The following CLMP variants were observed in gnomAD, a reference collection of about 807,000 sequenced individuals.
CLMP encodes CXADR like cell adhesion molecule.
In CLMP, 27 loss-of-function variants were observed where a neutral mutation model predicts 45.2. The observed-to-expected ratio is 0.60, with a 90% confidence interval of 0.44 to 0.82. The LOEUF (loss-of-function observed/expected upper bound fraction) is 0.82. CLMP is among the 40% of genes least tolerant of loss of function. The probability of loss-of-function intolerance (pLI) is 0.00; values close to 1 mark genes in which losing one functional copy is unlikely to be tolerated. For missense variants in CLMP, 403 were observed against 448.4 expected, an observed-to-expected ratio of 0.90 and a Z score of 0.91; for synonymous variants, 167 against 171.4, an observed-to-expected ratio of 0.97 and a Z score of 0.20.
chr11:123,149,572 G>C (rs971064521), intron 1 of CLMP, among the ~76,000 whole-genome samples: 4 of 152,200 alleles, frequency 2.6e-5, no homozygotes, highest in Admixed American at 1.3e-4. Context: ...GCTTAACTTT[G>C]ACCAATTTAG....
At chr11:123,150,531 A>AAGGAAGGAAGGAAGGAAG (rs1861316880) in intron 1 of CLMP, among the ~76,000 whole-genome samples, 1 of 85,294 alleles carries the variant, frequency 1.2e-5, no homozygotes, top group African/African-American at 4.9e-5. Context: ...AAGGAAGGAA[A>AAGGAAGGAAGGAAGGAAG]GAAACAAGCA....
chr11:123,108,089 T>C (rs770003727), intron 1 of CLMP, among the ~76,000 whole-genome samples: 6 of 152,100 alleles, frequency 3.9e-5, no homozygotes, highest in Non-Finnish European at 8.8e-5. Context: ...TGGAAGCTAA[T>C]GGCACCACCT....
intron 1 of CLMP, among the ~76,000 whole-genome samples, chr11:123,118,072 TAC>T (rs35966610): frequency 0.21 from 31,278 of 152,116 alleles, 3,316 homozygotes; most frequent in Admixed American, 0.28. Context: ...TCATTTAATA[TAC>T]ACTTTTTAAG....
chr11:123,079,910 C>T (rs1037621099), intron 5 of CLMP, among the ~76,000 whole-genome samples: 11 of 152,160 alleles, frequency 7.2e-5, no homozygotes, highest in South Asian at 6.2e-4. Flanking sequence ...AATTAGTCTG[C>T]GACTTCGTAG....
chr11:123,070,919 C>T lies in CLMP; in HGVS notation c.*2555G>A, dbSNP rs535452211. On this transcript the variant is annotated 3_prime_UTR_variant, in exon 7 of 7. Coordinates refer to ENST00000448775, the MANE Select transcript of CLMP (RefSeq NM_024769.5). ...GAAAATACTCAGGCTAAAACTTTCACCCAAGCATAAACTCCTGGGGACTTT... is the reference window on the plus strand; with the variant it reads ...GAAAATACTCAGGCTAAAACTTTCATCCAAGCATAAACTCCTGGGGACTTT... 5.9e-5 allele frequency: 9 copies of T among 152,278 alleles called. No individual in the cohort carries two copies. In the South Asian group the frequency reaches 1.2e-3, roughly 21 times the overall value. The allele number at this position is 152,278 out of a possible 1,614,324, so 9.4% of individuals were successfully genotyped here. A position where few individuals can be genotyped will look rare whatever the true frequency, so the allele number is the denominator to read the frequency against.
At chr11:123,161,140 A>G (rs1274864050) in intron 1 of CLMP, among the ~76,000 whole-genome samples, 1 of 152,212 alleles carries the variant, frequency 6.6e-6, no homozygotes, top group African/African-American at 2.4e-5. Context: ...CCAGGTGCCT[A>G]CTACGTGCCC....
intron 1 of CLMP, among the ~76,000 whole-genome samples, chr11:123,142,817 G>A (rs1425243724): frequency 3.4e-5 from 5 of 149,112 alleles, no homozygotes; most frequent in East Asian, 2.0e-4. Flanking sequence ...TAGTAGAGAC[G>A]GGGTTTCACC....
intron 1 of CLMP, among the ~76,000 whole-genome samples, chr11:123,108,041 C>T (rs1860584236): frequency 6.6e-6 from 1 of 152,102 alleles, no homozygotes; most frequent in South Asian, 2.1e-4. Flanking sequence ...TTTTACCACA[C>T]AGAGGGAGGG....
intron 1 of CLMP, among the ~76,000 whole-genome samples, chr11:123,139,898 G>A (rs1861130682): frequency 6.6e-6 from 1 of 151,852 alleles, no homozygotes; most frequent in Admixed American, 6.6e-5. Flanking sequence ...TGGTAGAGAA[G>A]TACATAATAG....
In CLMP at chr11:123,125,859, G is replaced by A. The variant is rs138406532; in HGVS notation, c.29-27907C>T. ...GACCTCATGTGATCTGCCCGCCTCC[G>A]CCTCCCAAAGTGCTTGGATTACAGG... On this transcript the variant is annotated intron_variant, in intron 1 of 6. Transcript: ENST00000448775. Among the ~76,000 whole-genome samples the A allele has an allele frequency of 2.8e-3, 427 of 151,972 alleles. 2 individuals carry two copies. The highest frequency in any genetic ancestry group is 1.1e-3 in the Non-Finnish European group (78 of 67,984).
intron 2 of CLMP, among the ~76,000 whole-genome samples, chr11:123,085,159 T>C (rs1326628032): frequency 6.7e-6 from 1 of 149,420 alleles, no homozygotes; most frequent in Admixed American, 6.7e-5. Context: ...CTTGGAACGA[T>C]GTCGGCAAAC....
chr11:123,085,974 T>C (rs1181746434), intron 2 of CLMP, among the ~76,000 whole-genome samples: 1 of 151,320 alleles, frequency 6.6e-6, no homozygotes, highest in Non-Finnish European at 1.5e-5. Flanking sequence ...CTGGGGTTTC[T>C]CCATGTTGGC....
chr11:123,167,037 A>C (rs1309883408), intron 1 of CLMP, among the ~76,000 whole-genome samples: 1 of 152,224 alleles, frequency 6.6e-6, no homozygotes, highest in Non-Finnish European at 1.5e-5. Flanking sequence ...TTAACATGCC[A>C]GGCATGGCAC....
intron 1 of CLMP, among the ~76,000 whole-genome samples, chr11:123,100,071 A>T (rs910647935): frequency 6.6e-6 from 1 of 152,096 alleles, no homozygotes; most frequent in Non-Finnish European, 1.5e-5. Context: ...AAGAAAAAGG[A>T]TTCAAAAGCG....
chr11:123,084,770 A>C (rs1865844987), intron 2 of CLMP, 57 bp from the exon 3 acceptor site: 1 of 1,499,656 alleles, frequency 6.7e-7, no homozygotes, highest in Non-Finnish European at 9.2e-7. Context: ...GCCTTTCCTG[A>C]TGGTGTGAAG....
chr11:123,105,423 C>CT (rs1484082027), intron 1 of CLMP, among the ~76,000 whole-genome samples: 1 of 121,348 alleles, frequency 8.2e-6, no homozygotes, highest in Non-Finnish European at 1.6e-5. Flanking sequence ...CTCTTTCTTT[C>CT]TTCTTTTCTT....
At position 123,161,197 on chromosome 11, in the gene CLMP, C is replaced by T. The variant is rs144454658; in HGVS notation, c.28+33716G>A. ...TTCTGCCCAGTGAGATTTGTAAGAG[C>T]AGTGCTTTAAGACTTGGTTTCTAAT... On this transcript the variant is annotated intron_variant, in intron 1 of 6. Coordinates refer to ENST00000448775, the MANE Select transcript of CLMP (RefSeq NM_024769.5). 7.9e-5 allele frequency among the ~76,000 whole-genome samples: 12 copies of T among 152,292 alleles called. No individual in the cohort carries two copies. The East Asian group carries it at 2.3e-3, about 29-fold the overall frequency.
chr11:123,078,641 T>G (rs1865766467), intron 5 of CLMP, among the ~76,000 whole-genome samples: 1 of 144,584 alleles, frequency 6.9e-6, no homozygotes, highest in African/African-American at 2.6e-5. Flanking sequence ...TTTTTTTGGT[T>G]TTTTTTGTTT....
At chr11:123,148,775 C>A (rs1371325646) in intron 1 of CLMP, among the ~76,000 whole-genome samples, 1 of 152,192 alleles carries the variant, frequency 6.6e-6, no homozygotes, top group African/African-American at 2.4e-5. Context: ...CAATTGCGTG[C>A]ATGGCCCAGG....
Sources: gnomAD v4.1 joint callset for allele counts (sites outside exome capture counted in the v4.1 genomes callset) on GRCh38, gnomAD v4.1.1 for gene constraint, MANE v1.5 for transcripts, NCBI Gene and HGNC (gene_info 2026-07-23, HGNC 2026-07-21) for gene names.